Variants in PLD5 observed in about 807,000 individuals in gnomAD.
PLD5 encodes the protein inactive phospholipase D5.
Under a neutral mutation model 61.1 loss-of-function variants are expected in PLD5, and 36 were observed. That is an observed-to-expected ratio of 0.59 (90% confidence interval 0.45 to 0.78). The LOEUF is 0.78. PLD5 is among the 30% of genes least tolerant of loss of function. The pLI, the probability that PLD5 is intolerant of heterozygous loss-of-function variation, is 0.00. For synonymous variants in PLD5, 243 were observed against 242.8 expected, an observed-to-expected ratio of 1.00 and a Z score of -0.01; for missense variants, 515 against 644.4, an observed-to-expected ratio of 0.80 and a Z score of 2.17.
intron 1 of PLD5, among the ~76,000 whole-genome samples, chr1:242,441,136 C>T (rs1429665761): frequency 6.6e-6 from 1 of 152,074 alleles, no homozygotes; most frequent in Admixed American, 6.6e-5. Flanking sequence ...TTTGTTTCAA[C>T]AAATATGTAA....
intron 5 of PLD5, among the ~76,000 whole-genome samples, chr1:242,157,486 G>C (rs1665477248): frequency 1.3e-5 from 2 of 152,154 alleles, no homozygotes; most frequent in Non-Finnish European, 2.9e-5. Flanking sequence ...TCCAAACTTG[G>C]TGGATTTATC....
At chr1:242,442,238 TG>T (rs781226679) in intron 1 of PLD5, among the ~76,000 whole-genome samples, 2 of 152,228 alleles carry the variant, frequency 1.3e-5, no homozygotes, top group Non-Finnish European at 2.9e-5. Context: ...AATGCTTATA[TG>T]TTTTTTTGTA....
chr1:242,171,042 C>T (rs1338424122), intron 5 of PLD5, among the ~76,000 whole-genome samples: 1 of 152,036 alleles, frequency 6.6e-6, no homozygotes, highest in Non-Finnish European at 1.5e-5. Flanking sequence ...CAGAGAACAC[C>T]ACAAAGATAC....
chr1:242,109,822 C>T (rs1234965890), intron 7 of PLD5, among the ~76,000 whole-genome samples: 5 of 151,744 alleles, frequency 3.3e-5, no homozygotes, highest in African/African-American at 1.2e-4. Context: ...GGCTCTTTCA[C>T]CTAGTGTCTG....
chr1:242,449,032 A>C (rs1231592677), intron 1 of PLD5, among the ~76,000 whole-genome samples: 1 of 152,228 alleles, frequency 6.6e-6, no homozygotes, highest in Admixed American at 6.5e-5. Context: ...TTACTTTCAG[A>C]GGAAAGAGCA....
chr1:242,105,633 T>G (rs369008792), intron 8 of PLD5, among the ~76,000 whole-genome samples: 1 of 152,268 alleles, frequency 6.6e-6, no homozygotes, highest in South Asian at 2.1e-4. Flanking sequence ...ACCCAGAAAT[T>G]TGGTATTTCA....
upstream of PLD5, among the ~76,000 whole-genome samples, chr1:242,527,429 C>T (rs1669474895): frequency 6.6e-6 from 1 of 152,118 alleles, no homozygotes; most frequent in Non-Finnish European, 1.5e-5. Context: ...AGCCACCGCG[C>T]CCGGCCAATC....
In PLD5 at chr1:242,177,554, TATAAAA is replaced by T. The variant is rs201778276; in HGVS notation, c.735+42428_735+42433del. 2.4e-4 allele frequency among the ~76,000 whole-genome samples: 36 copies of T among 152,192 alleles called. No homozygotes were observed. In the East Asian group the frequency reaches 5.8e-3, roughly 24 times the overall value. ...CGTTTTGTACATGTACCCTAGAACT[TATAAAA>T]ATAAAAAAAATTTGCACTGAAGAGC... On this transcript the variant is annotated intron_variant, in intron 5 of 9. Transcript: ENST00000536534.
chr1:242,128,135 T>C (rs962582212), intron 5 of PLD5, among the ~76,000 whole-genome samples: 1 of 152,084 alleles, frequency 6.6e-6, no homozygotes, highest in Non-Finnish European at 1.5e-5. Flanking sequence ...TGAGACCATG[T>C]CTTTACAAAA....
chr1:242,482,297 T>A (rs972074139), intron 1 of PLD5, among the ~76,000 whole-genome samples: 1 of 152,036 alleles, frequency 6.6e-6, no homozygotes, highest in Admixed American at 6.6e-5. Flanking sequence ...GGCAAAGAAG[T>A]TAAAAACCTT....
chr1:242,089,634 A>G lies in PLD5; in HGVS notation c.*220T>C. ...CGTAAAAACTAACTTCTACGCCAGA[A>G]TGACATTCTCTGTCAGAGGTAACAA... On this transcript the variant is annotated 3_prime_UTR_variant, in exon 10 of 10. Coordinates refer to ENST00000536534, the MANE Select transcript of PLD5 (RefSeq NM_001372062.1). 1 of 597,330 alleles carries G rather than the reference A, an allele frequency of 1.7e-6. No homozygotes were observed. The highest frequency in any genetic ancestry group is 2.8e-6 in the Non-Finnish European group (1 of 352,630). The allele number at this position is 597,330 out of a possible 1,614,324, so 37.0% of individuals were successfully genotyped here. A position where few individuals can be genotyped will look rare whatever the true frequency, so the allele number is the denominator to read the frequency against.
chr1:242,152,253 T>A (rs1486644839), intron 5 of PLD5, among the ~76,000 whole-genome samples: 1 of 152,098 alleles, frequency 6.6e-6, no homozygotes, highest in Admixed American at 6.5e-5. Context: ...GGTTCAGTTC[T>A]CATGCTGCCA....
chr1:242,310,626 G>A (rs1476832797), intron 2 of PLD5, among the ~76,000 whole-genome samples: 1 of 152,168 alleles, frequency 6.6e-6, no homozygotes. Context: ...GCCATTAAAA[G>A]TAATAACAAA....
At chr1:242,462,486 C>T (rs528521537) in intron 1 of PLD5, among the ~76,000 whole-genome samples, 27 of 151,900 alleles carry the variant, frequency 1.8e-4, no homozygotes, top group African/African-American at 5.3e-4. Flanking sequence ...GAGGGAGGAA[C>T]GGGCGTGGGT....
intron 5 of PLD5, among the ~76,000 whole-genome samples, chr1:242,153,252 C>G (rs1665081899): frequency 6.6e-6 from 1 of 151,634 alleles, no homozygotes; most frequent in Admixed American, 6.6e-5. Flanking sequence ...GGATATTAGC[C>G]CTTTGTCAGA....
At chr1:242,167,518 G>A (rs532656366) in intron 5 of PLD5, among the ~76,000 whole-genome samples, 1 of 152,306 alleles carries the variant, frequency 6.6e-6, no homozygotes, top group South Asian at 2.1e-4. Flanking sequence ...ATGACATGTG[G>A]GGATTATGGG....
chr1:242,374,060 G>A (rs1292132034), intron 1 of PLD5, among the ~76,000 whole-genome samples: 17 of 152,036 alleles, frequency 1.1e-4, no homozygotes, highest in Admixed American at 1.0e-3. Flanking sequence ...CTATCTACAA[G>A]GAGAGTGCAG....
chr1:242,297,875 A>G (rs1339008062), intron 2 of PLD5, among the ~76,000 whole-genome samples: 1 of 150,836 alleles, frequency 6.6e-6, no homozygotes, highest in Non-Finnish European at 1.5e-5. Context: ...TCCTGACCTC[A>G]TGATCCACCC....
At chr1:242,271,265 A>G (rs1204623287) in intron 3 of PLD5, among the ~76,000 whole-genome samples, 1 of 148,212 alleles carries the variant, frequency 6.7e-6, no homozygotes, top group East Asian at 2.0e-4. Context: ...GAATCAGGGG[A>G]AAAGGCTGAT....
Sources: gnomAD v4.1 joint callset for allele counts (sites outside exome capture counted in the v4.1 genomes callset) on GRCh38, gnomAD v4.1.1 for gene constraint, MANE v1.5 for transcripts, NCBI Gene and HGNC (gene_info 2026-07-23, HGNC 2026-07-21) for gene names.